The following STK3 variants were observed in gnomAD, a reference collection of about 807,000 sequenced individuals.
STK3 encodes the protein serine/threonine kinase 3, also known as serine/threonine-protein kinase 3.
STK3 carries 41 observed loss-of-function variants against 58.0 expected under a neutral mutation model. The observed-to-expected ratio is 0.71, with a 90% CI of 0.55 to 0.92. STK3 has a LOEUF of 0.92. STK3 is among the 40% of genes least tolerant of loss of function. STK3 has a pLI of 0.00. For synonymous variants in STK3, 170 were observed against 191.0 expected (o/e 0.89, Z 0.91); for missense variants, 479 against 602.7 (o/e 0.79, Z 2.15).
intron 6 of STK3, among the ~76,000 whole-genome samples, chr8:98,610,592 C>T (rs1817118559): frequency 6.6e-6 from 1 of 152,196 alleles, no homozygotes; most frequent in East Asian, 1.9e-4. Flanking sequence ...ATAGCTGTGT[C>T]TTGTCCATCA....
intron 6 of STK3, among the ~76,000 whole-genome samples, chr8:98,631,990 C>T (rs552582331): frequency 1.5e-4 from 23 of 152,302 alleles, no homozygotes; most frequent in South Asian, 8.3e-4. Flanking sequence ...ACTGTCTTTC[C>T]CCACTACAAA....
At chr8:98,761,105 CT>C (rs1261576579) in intron 3 of STK3, among the ~76,000 whole-genome samples, 1 of 150,886 alleles carries the variant, frequency 6.6e-6, no homozygotes, top group East Asian at 2.0e-4. Context: ...TTTGAAAATA[CT>C]GCTTGAAAGG....
intron 10 of STK3, among the ~76,000 whole-genome samples, chr8:98,514,318 A>C (rs1824758169): frequency 6.6e-6 from 1 of 152,142 alleles, no homozygotes; most frequent in African/African-American, 2.4e-5. Flanking sequence ...AGGCATAGTT[A>C]AGAGTCAGAA....
chr8:98,596,015 G>A lies in STK3; in HGVS notation c.822+17C>T. On this transcript the variant is annotated intron_variant, in intron 7 of 10. Coordinates refer to ENST00000419617, the MANE Select transcript of STK3 (RefSeq NM_006281.4). ...GTATGAAGAAAATATCCTTCCCTTC[G>A]AGGCACAAGCACTGACCTGTAAAAG... 4 of 1,601,998 alleles carry A rather than the reference G, an allele frequency of 2.5e-6. No individual in the cohort carries two copies. The highest frequency in any genetic ancestry group is 3.4e-6 in the Non-Finnish European group (4 of 1,171,612).
At chr8:98,486,491 G>A (rs1822273007) in intron 10 of STK3, among the ~76,000 whole-genome samples, 1 of 152,210 alleles carries the variant, frequency 6.6e-6, no homozygotes, top group African/African-American at 2.4e-5. Context: ...CAGAGGTGAT[G>A]TGTGAACCAG....
At chr8:98,840,379 C>T (rs1475682484) in intron 3 of STK3, among the ~76,000 whole-genome samples, 7 of 145,210 alleles carry the variant, frequency 4.8e-5, no homozygotes, top group African/African-American at 7.6e-5. Context: ...AAAGACCAGC[C>T]TCGGCAACAT....
In STK3 at chr8:98,768,314, A is replaced by G. The variant is rs1242880015; in HGVS notation, c.108-943T>C. Among the ~76,000 whole-genome samples the G allele has an allele frequency of 2.4e-4, 37 of 152,226 alleles. 1 individual carries two copies. Among genetic ancestry groups the G allele is most frequent in the Admixed American group, 2.4e-3 (37 of 15,286 alleles). On this transcript the variant is annotated intron_variant, in intron 2 of 10. Coordinates refer to ENST00000419617, the MANE Select transcript of STK3 (RefSeq NM_006281.4). ...CAGGTTTTTCTCACCATATTTTTCT[A>G]CAGAAGAGAAACAAGAGCAAGCCAA...
intron 10 of STK3, among the ~76,000 whole-genome samples, chr8:98,491,250 CACTT>C (rs1445265859): frequency 6.6e-6 from 1 of 151,860 alleles, no homozygotes; most frequent in East Asian, 1.9e-4. Flanking sequence ...AACAATCAGA[CACTT>C]ATTTTGTAAT....
At chr8:98,765,291 G>A (rs1489886915) in intron 3 of STK3, among the ~76,000 whole-genome samples, 1 of 151,886 alleles carries the variant, frequency 6.6e-6, no homozygotes, top group Non-Finnish European at 1.5e-5. Context: ...ATAACCACTT[G>A]AATTTCACAT....
At chr8:98,593,122 C>T (rs1815480584) in intron 7 of STK3, among the ~76,000 whole-genome samples, 1 of 152,148 alleles carries the variant, frequency 6.6e-6, no homozygotes, top group Non-Finnish European at 1.5e-5. Context: ...ATCTTCAGAT[C>T]AGGAACTCCG....
At chr8:98,361,361 G>C in the STK3 span, among the ~76,000 whole-genome samples, 1 of 152,170 alleles carries the variant, frequency 6.6e-6, no homozygotes. Flanking sequence ...TTATGGTGTG[G>C]TTAAGGGCAT....
intron 4 of STK3, among the ~76,000 whole-genome samples, chr8:98,748,601 C>G (rs1029979405): frequency 6.6e-6 from 1 of 151,988 alleles, no homozygotes; most frequent in Non-Finnish European, 1.5e-5. Flanking sequence ...TCACTGATTA[C>G]TCTTCCTATT....
Position 98,838,567 on chromosome 8 carries a change from A to C in STK3, c.110+45080T>G, listed in dbSNP as rs1406065997. ...AGGTAGATGCTTAGTAGACAGAGAGAAGCTGCAGTAAACTCAGCTGCCCTA... is the reference window on the plus strand; with the variant it reads ...AGGTAGATGCTTAGTAGACAGAGAGCAGCTGCAGTAAACTCAGCTGCCCTA... On this transcript the variant is annotated intron_variant, in intron 3 of 12. Transcript: ENST00000523601. Among the ~76,000 whole-genome samples, 4 of 152,186 alleles carry C rather than the reference A, an allele frequency of 2.6e-5. No individual in the cohort carries two copies. The East Asian group carries it at 7.7e-4, about 29-fold the overall frequency.
chr8:98,445,964 A>C (rs978672906), intron 1 of STK3, among the ~76,000 whole-genome samples: 5 of 152,206 alleles, frequency 3.3e-5, no homozygotes, highest in Non-Finnish European at 5.9e-5. Flanking sequence ...GAAAACAAAA[A>C]CAAAAACAGA....
chr8:98,818,799 T>G (rs1311005833), intron 1 of STK3, among the ~76,000 whole-genome samples: 1 of 152,088 alleles, frequency 6.6e-6, no homozygotes, highest in Non-Finnish European at 1.5e-5. Context: ...ATGTCGATAT[T>G]CACGGTATGT....
At position 98,825,670 on chromosome 8, in the gene STK3, G is replaced by A. The variant is rs1835222605; in HGVS notation, c.-130C>T. The stretch of plus-strand genomic sequence containing the variant: ...TCTGGGAACTCGGACCAACTTTCCC[G>A]TAACTCCGCGGCGGATCTCCCTCCC... On this transcript the variant is annotated 5_prime_UTR_variant, in exon 1 of 11. It adds an upstream start codon to the 5' untranslated region. Transcript: ENST00000419617. 1.7e-6 allele frequency: 2 copies of A among 1,145,634 alleles called. No homozygotes were observed. The highest frequency in any genetic ancestry group is 1.7e-5 in the African/African-American group (1 of 60,428). 71.0% of individuals were successfully genotyped at this position (1,145,634 alleles called of 1,614,324 possible). A position where few individuals can be genotyped will look rare whatever the true frequency, so the allele number is the denominator to read the frequency against.
chr8:98,554,374 C>T (rs985433090), intron 8 of STK3, among the ~76,000 whole-genome samples: 4 of 152,100 alleles, frequency 2.6e-5, no homozygotes, highest in Admixed American at 2.6e-4. Context: ...AGATTCAATG[C>T]TGTGACCATT....
At chr8:98,753,445 G>A (rs1211323368) in intron 3 of STK3, among the ~76,000 whole-genome samples, 4 of 152,226 alleles carry the variant, frequency 2.6e-5, no homozygotes, top group East Asian at 3.9e-4. Flanking sequence ...CACACAGAGT[G>A]AACAACACAC....
At chr8:98,663,043 T>C (rs1055658086) in intron 6 of STK3, among the ~76,000 whole-genome samples, 14 of 152,034 alleles carry the variant, frequency 9.2e-5, no homozygotes, top group Non-Finnish European at 1.6e-4. Flanking sequence ...TCTAATTAAA[T>C]TAAAGAGCTT....
Sources: gnomAD v4.1 joint callset for allele counts (sites outside exome capture counted in the v4.1 genomes callset) on GRCh38, gnomAD v4.1.1 for gene constraint, MANE v1.5 for transcripts, NCBI Gene and HGNC (gene_info 2026-07-23, HGNC 2026-07-21) for gene names.